The following DIAPH3 variants were observed in gnomAD, a reference collection of about 807,000 sequenced individuals.
DIAPH3 encodes the protein diaphanous related formin 3.
Under a neutral mutation model 144.3 loss-of-function variants are expected in DIAPH3, and 117 were observed. The observed-to-expected ratio is 0.81, with a 90% CI of 0.70 to 0.95. DIAPH3 has a LOEUF of 0.95. Among genes scored for constraint, DIAPH3 ranks in the 40% least tolerant of loss-of-function variants. The pLI, the probability that DIAPH3 is intolerant of heterozygous loss-of-function variation, is 0.00. For synonymous variants in DIAPH3, 519 were observed against 488.9 expected, an observed-to-expected ratio of 1.06 and a Z score of -0.81; for missense variants, 1,421 against 1,412.7, an observed-to-expected ratio of 1.01 and a Z score of -0.09.
At chr13:60,087,264 T>C (rs2137857383) in intron 4 of DIAPH3, among the ~76,000 whole-genome samples, 1 of 152,322 alleles carries the variant, frequency 6.6e-6, no homozygotes, top group East Asian at 1.9e-4. Flanking sequence ...GACTGATTTT[T>C]CTCAAAACAT....
intron 7 of DIAPH3, among the ~76,000 whole-genome samples, chr13:60,014,620 C>G (rs2053504441): frequency 6.6e-6 from 1 of 151,996 alleles, no homozygotes; most frequent in African/African-American, 2.4e-5. Flanking sequence ...AATTTACGTA[C>G]TAGTACTTAA....
intron 5 of DIAPH3, among the ~76,000 whole-genome samples, chr13:60,033,930 A>G (rs1233992153): frequency 1.3e-5 from 2 of 152,200 alleles, no homozygotes; most frequent in African/African-American, 4.8e-5. Context: ...TCTATTGTCA[A>G]TGTGATGCCT....
chr13:59,826,381 C>A (rs2041422779), intron 24 of DIAPH3, among the ~76,000 whole-genome samples: 1 of 145,618 alleles, frequency 6.9e-6, no homozygotes, highest in Non-Finnish European at 1.5e-5. Flanking sequence ...TTCTTATACA[C>A]CAATAACAGA....
intron 3 of DIAPH3, among the ~76,000 whole-genome samples, chr13:60,098,295 T>C: frequency 6.6e-6 from 1 of 152,056 alleles, no homozygotes; most frequent in Non-Finnish European, 1.5e-5. Context: ...CTCTGGTGGA[T>C]TCTCACTTCA....
intron 22 of DIAPH3, among the ~76,000 whole-genome samples, chr13:59,840,799 T>C (rs1310819679): frequency 7.3e-6 from 1 of 137,778 alleles, no homozygotes; most frequent in African/African-American, 2.6e-5. Context: ...TTTACACTCA[T>C]GCATATTTTC....
intron 5 of DIAPH3, among the ~76,000 whole-genome samples, chr13:60,026,606 G>GA (rs200293156): frequency 0.015 from 2,165 of 147,974 alleles, 65 homozygotes; most frequent in East Asian, 0.1. Flanking sequence ...GCTTTAGATT[G>GA]AAAAAAAAAA....
intron 4 of DIAPH3, among the ~76,000 whole-genome samples, chr13:60,076,427 C>T (rs73218513): frequency 0.039 from 5,940 of 152,238 alleles, 171 homozygotes; most frequent in East Asian, 0.1. Flanking sequence ...ACAATAGGCT[C>T]TGCAGTCTCT....
chr13:59,916,019 A>C, intron 19 of DIAPH3, 136 bp downstream of exon 19: 1 of 732,862 alleles, frequency 1.4e-6, no homozygotes, highest in South Asian at 1.6e-5. Flanking sequence ...TGCAGAAGTT[A>C]TGCTAAAACT....
At chr13:60,033,372 T>C (rs925114706) in intron 5 of DIAPH3, among the ~76,000 whole-genome samples, 1 of 152,170 alleles carries the variant, frequency 6.6e-6, no homozygotes, top group Admixed American at 6.5e-5. Context: ...ATTCTTGCAT[T>C]TCTATAAAAA....
intron 22 of DIAPH3, among the ~76,000 whole-genome samples, chr13:59,839,850 T>C (rs1005953394): frequency 6.6e-6 from 1 of 152,122 alleles, no homozygotes; most frequent in East Asian, 1.9e-4. Context: ...GAACAGTGAG[T>C]AGATGGGAAA....
intron 27 of DIAPH3, among the ~76,000 whole-genome samples, chr13:59,728,961 CTG>C (rs2035739159): frequency 6.6e-6 from 1 of 151,850 alleles, no homozygotes. Context: ...GGACAGCTGA[CTG>C]TGCACCACGA....
chr13:59,797,215 T>C (rs1391790025), intron 25 of DIAPH3, among the ~76,000 whole-genome samples: 2 of 152,226 alleles, frequency 1.3e-5, no homozygotes, highest in East Asian at 3.8e-4. Context: ...TTATAAGTTG[T>C]GGACTTCTAA....
chr13:59,845,371 C>G (rs980240547), intron 22 of DIAPH3, among the ~76,000 whole-genome samples: 1 of 152,020 alleles, frequency 6.6e-6, no homozygotes, highest in East Asian at 1.9e-4. Context: ...CATAGGGAAC[C>G]CTTTTGTCTT....
chr13:59,820,688 G>C (rs1380042226), intron 24 of DIAPH3, among the ~76,000 whole-genome samples: 1 of 150,324 alleles, frequency 6.7e-6, no homozygotes, highest in African/African-American at 2.4e-5. Flanking sequence ...TTACTTGACA[G>C]GTATATCAGT....
chr13:59,970,427 G>A (rs1278091224), intron 16 of DIAPH3, among the ~76,000 whole-genome samples: 2 of 152,066 alleles, frequency 1.3e-5, no homozygotes, highest in East Asian at 3.9e-4. Flanking sequence ...GCAGGATTCT[G>A]AATTCTTAAG....
At chr13:59,678,677 T>C (rs2032772758) in intron 27 of DIAPH3, among the ~76,000 whole-genome samples, 2 of 152,080 alleles carry the variant, frequency 1.3e-5, no homozygotes, top group South Asian at 4.1e-4. Flanking sequence ...AAATTCTATT[T>C]CACATTATTT....
intron 24 of DIAPH3, among the ~76,000 whole-genome samples, chr13:59,831,798 A>G (rs1474666246): frequency 6.6e-6 from 1 of 151,900 alleles, no homozygotes; most frequent in East Asian, 1.9e-4. Flanking sequence ...GGTTTTGAGC[A>G]CCCCAAGCCT....
intron 19 of DIAPH3, among the ~76,000 whole-genome samples, chr13:59,913,623 T>A (rs2047095459): frequency 6.6e-6 from 1 of 152,210 alleles, no homozygotes; most frequent in African/African-American, 2.4e-5. Flanking sequence ...ATTTCCCTTG[T>A]CAAATTATAA....
chr13:60,088,455 T>C (rs535020986), intron 4 of DIAPH3, among the ~76,000 whole-genome samples: 5 of 152,276 alleles, frequency 3.3e-5, no homozygotes, highest in African/African-American at 1.2e-4. Context: ...AAGAATCTGC[T>C]GCTCCTTTCA....
Sources: gnomAD v4.1 joint callset for allele counts (sites outside exome capture counted in the v4.1 genomes callset) on GRCh38, gnomAD v4.1.1 for gene constraint, MANE v1.5 for transcripts, NCBI Gene and HGNC (gene_info 2026-07-23, HGNC 2026-07-21) for gene names.